ENTHD1: variants seen among roughly 807,000 people sequenced by gnomAD.
ENTHD1 encodes ENTH domain containing 1.
Under a neutral mutation model 39.1 loss-of-function variants are expected in ENTHD1, and 23 were observed. That is an observed-to-expected ratio of 0.59 (90% CI 0.42 to 0.83). The LOEUF (loss-of-function observed/expected upper bound fraction) is 0.83, where lower values mean the gene tolerates loss of function less well. ENTHD1 is among the 40% of genes least tolerant of loss of function. ENTHD1 has a pLI of 0.00. For synonymous variants in ENTHD1, 230 were observed against 258.2 expected (o/e 0.89, Z 1.05); for missense variants, 624 against 705.4 (o/e 0.88, Z 1.31).
At chr22:39,855,831 G>C (rs1451661938) in intron 3 of ENTHD1, among the ~76,000 whole-genome samples, 1 of 152,134 alleles carries the variant, frequency 6.6e-6, no homozygotes, top group Non-Finnish European at 1.5e-5. Context: ...ACCTACAAGA[G>C]AGTATTTCAG....
intron 3 of ENTHD1, among the ~76,000 whole-genome samples, chr22:39,842,837 C>A (rs1474113295): frequency 6.7e-6 from 1 of 148,526 alleles, no homozygotes; most frequent in Non-Finnish European, 1.5e-5. Context: ...GACATTTATG[C>A]AGCCAAAAAA....
intron 5 of ENTHD1, among the ~76,000 whole-genome samples, chr22:39,794,997 G>A (rs113616519): frequency 2.0e-5 from 3 of 151,996 alleles, no homozygotes; most frequent in Non-Finnish European, 2.9e-5. Flanking sequence ...TTTATCAAAC[G>A]CTTTTTTGAC....
intron 5 of ENTHD1, among the ~76,000 whole-genome samples, chr22:39,774,856 G>A (rs2065354633): frequency 6.6e-6 from 1 of 151,592 alleles, no homozygotes; most frequent in Admixed American, 6.6e-5. Context: ...TCTTTATATC[G>A]AACTGATTTT....
intron 3 of ENTHD1, among the ~76,000 whole-genome samples, chr22:39,857,471 A>AAAT (rs1555940780): frequency 0.032 from 3,752 of 118,574 alleles, 550 homozygotes; most frequent in South Asian, 0.069. Flanking sequence ...AAAAAAAAAA[A>AAAT]GCAATCTGTG....
rs2065779809 is a variant in ENTHD1 at position 39,821,111 on chromosome 22, G to T, written c.714C>A (p.Asp238Glu). The T allele has an allele frequency of 6.2e-7, 1 of 1,613,650 alleles. No homozygotes were observed. The highest frequency in any genetic ancestry group is 8.5e-7 in the Non-Finnish European group (1 of 1,179,790). Reference protein sequence around the residue: ...LKIHGWKSTEDLMTFLDDDPE... With the variant: ...LKIHGWKSTEELMTFLDDDPE... Reference sequence around the variant, plus strand: ...GATCATCATCCAAAAATGTCATCAGGTCCTGACAGAAAACACAAGAACATG... The same window carrying T: ...GATCATCATCCAAAAATGTCATCAGTTCCTGACAGAAAACACAAGAACATG... The change falls in exon 5 of 7, where the codon GAC becomes GAA. Residue 238 changes from aspartate (D) to glutamate (E), a missense_variant and splice_region_variant. Physicochemically the swap from Asp to Glu is conservative, Grantham distance 45 (BLOSUM62 2). Coordinates refer to ENST00000325157, the MANE Select transcript of ENTHD1 (RefSeq NM_152512.4).
chr22:39,813,050 T>C (rs967906942), intron 5 of ENTHD1, among the ~76,000 whole-genome samples: 2 of 152,202 alleles, frequency 1.3e-5, no homozygotes, highest in African/African-American at 4.8e-5. Flanking sequence ...CCCAAAGTGC[T>C]GGGATTATAG....
At chr22:39,800,517 C>G (rs1276140352) in intron 5 of ENTHD1, among the ~76,000 whole-genome samples, 1 of 152,184 alleles carries the variant, frequency 6.6e-6, no homozygotes, top group Non-Finnish European at 1.5e-5. Flanking sequence ...TTCTCAGGAG[C>G]CTGGGACCTA....
At chr22:39,874,160 A>C (rs897616082) in intron 2 of ENTHD1, 1 of 152,208 alleles carries the variant, frequency 6.6e-6, no homozygotes, top group African/African-American at 2.4e-5. Flanking sequence ...ACCTGCCCCC[A>C]TGATTCAATT....
intron 2 of ENTHD1, among the ~76,000 whole-genome samples, chr22:39,883,895 G>C (rs1289467209): frequency 6.8e-6 from 1 of 147,280 alleles, no homozygotes; most frequent in Non-Finnish European, 1.5e-5. Flanking sequence ...ATTTACTAGA[G>C]CTTCAAAAAG....
intron 6 of ENTHD1, among the ~76,000 whole-genome samples, chr22:39,744,907 T>C (rs962944002): frequency 2.6e-5 from 4 of 152,232 alleles, no homozygotes; most frequent in Non-Finnish European, 5.9e-5. Context: ...AAGCCTTTTT[T>C]TCCATAAAAT....
chr22:39,802,659 A>G (rs1456882467), intron 5 of ENTHD1, among the ~76,000 whole-genome samples: 1 of 152,180 alleles, frequency 6.6e-6, no homozygotes, highest in East Asian at 1.9e-4. Flanking sequence ...AGAGAAAGGG[A>G]AACAGGAGAA....
chr22:39,835,824 G>A lies in ENTHD1; in HGVS notation c.711+16C>T. The A allele has an allele frequency of 6.5e-7, 1 of 1,549,416 alleles. No individual in the cohort carries two copies. The highest frequency in any genetic ancestry group is 8.9e-7 in the Non-Finnish European group (1 of 1,128,708). ...CAGTGATTTATTACAGCAGCTATAGGAAACTATAGACTTACCTCTGTTGAT... is the reference window on the plus strand; with the variant it reads ...CAGTGATTTATTACAGCAGCTATAGAAAACTATAGACTTACCTCTGTTGAT... On this transcript the variant is annotated intron_variant, in intron 4 of 6. Transcript: ENST00000325157.
At chr22:39,876,624 G>T (rs2066292057) in intron 2 of ENTHD1, among the ~76,000 whole-genome samples, 1 of 152,006 alleles carries the variant, frequency 6.6e-6, no homozygotes, top group Non-Finnish European at 1.5e-5. Flanking sequence ...TCTTTATTGT[G>T]CTATGGGTGA....
At chr22:39,765,097 T>A in intron 6 of ENTHD1, 126 bp downstream of exon 6, 10 of 1,390,190 alleles carry the variant, frequency 7.2e-6, no homozygotes, top group Non-Finnish European at 9.4e-6. Context: ...ATATCAATGA[T>A]GAAGAGTGAA....
chr22:39,761,158 C>G (rs1210289071), intron 6 of ENTHD1, among the ~76,000 whole-genome samples: 1 of 152,034 alleles, frequency 6.6e-6, no homozygotes, highest in Non-Finnish European at 1.5e-5. Flanking sequence ...TTTTTATTCA[C>G]TTGAATTAAG....
chr22:39,864,856 C>A (rs1341892955), intron 2 of ENTHD1, among the ~76,000 whole-genome samples: 2 of 152,156 alleles, frequency 1.3e-5, no homozygotes, highest in Non-Finnish European at 2.9e-5. Context: ...TGGGCCACAG[C>A]ACTCCAGCCT....
intron 2 of ENTHD1, among the ~76,000 whole-genome samples, chr22:39,882,940 G>C (rs2066349983): frequency 6.8e-6 from 1 of 147,644 alleles, no homozygotes; most frequent in Non-Finnish European, 1.5e-5. Flanking sequence ...TGGGGCAGAG[G>C]TTGCAGTGAG....
intron 4 of ENTHD1, among the ~76,000 whole-genome samples, chr22:39,835,127 T>C (rs770362713): frequency 9.9e-5 from 15 of 152,068 alleles, no homozygotes; most frequent in Non-Finnish European, 2.2e-4. Context: ...AACAGTGAAT[T>C]GAAAAGTTGA....
chr22:39,879,184 C>T (rs749835564), intron 2 of ENTHD1, among the ~76,000 whole-genome samples: 9 of 152,078 alleles, frequency 5.9e-5, no homozygotes, highest in East Asian at 1.9e-4. Context: ...ATATACAGGC[C>T]GGGCACGGTG....
Sources: allele counts gnomAD v4.1 joint callset (sites outside exome capture counted in the v4.1 genomes callset), GRCh38; gene constraint gnomAD v4.1.1; transcripts MANE v1.5; gene names NCBI Gene and HGNC (gene_info 2026-07-23, HGNC 2026-07-21).